ATM: variants seen among roughly 807,000 people sequenced by gnomAD.
ATM encodes the protein ATM serine/threonine kinase, also known as serine-protein kinase ATM.
ATM carries 308 observed loss-of-function variants against 387.0 expected under a neutral mutation model. The ratio of observed to expected loss-of-function variants is 0.80; its 90% CI spans 0.73 to 0.87. ATM has a LOEUF of 0.87. Ranked by LOEUF, ATM falls within the 40% of genes least tolerant of loss-of-function variation. The pLI, the probability that ATM is intolerant of heterozygous loss-of-function variation, is 0.00. For missense variants in ATM, 3,312 were observed against 3,560.9 expected (o/e 0.93, Z 1.78); for synonymous variants, 1,156 against 1,187.3 (o/e 0.97, Z 0.54).
Position 108,332,807 on chromosome 11 carries a change from A to C in ATM, c.7834A>C (p.Arg2612=), listed in dbSNP as rs1305691166. 5.0e-6 allele frequency: 8 copies of C among 1,613,358 alleles called. No individual in the cohort carries two copies. In the South Asian group the frequency reaches 8.8e-5, roughly 18 times the overall value. Residue 2612 remains arginine (R), a synonymous_variant, in exon 53 of 63, where the codon AGG becomes CGG. Transcript: ENST00000675843. The stretch of plus-strand genomic sequence containing the variant: ...TAGAATAATATGTACTATCAGAAGT[A>C]GGAGACCTCAGATGGTCAGAAGTGT... The part of the protein sequence containing the change: ...ANRIICTIRS[R]RPQMVRSVEA...
At chr11:108,364,852 G>A (rs2091165750) in intron 61 of ATM, among the ~76,000 whole-genome samples, 1 of 152,194 alleles carries the variant, frequency 6.6e-6, no homozygotes, top group Non-Finnish European at 1.5e-5. Context: ...TGGGTCAAGG[G>A]ATGTCACCCC....
rs959971210 is a variant in ATM, at chr11:108,338,285, A to G, written c.8268+2324A>G. On this transcript the variant is annotated intron_variant, in intron 56 of 62. Coordinates refer to ENST00000675843, the MANE Select transcript of ATM (RefSeq NM_000051.4). The stretch of plus-strand genomic sequence containing the variant: ...AGAATCACTTAAACCCGGATGGCAG[A>G]GGTTGCAGTTGAGCCGAGATCACAC... Among the ~76,000 whole-genome samples, 12 of 151,456 alleles carry G rather than the reference A, an allele frequency of 7.9e-5. No individual in the cohort carries two copies. In the East Asian group the frequency reaches 2.2e-3, roughly 27 times the overall value.
At position 108,354,892 on chromosome 11, in the gene ATM, G is replaced by A. The variant is rs969877924; in HGVS notation, c.8850+18G>A. 2 of 1,598,266 alleles carry A rather than the reference G, an allele frequency of 1.3e-6. No homozygotes were observed. Among genetic ancestry groups the A allele is most frequent in the Non-Finnish European group, 8.6e-7 (1 of 1,165,792 alleles). On this transcript the variant is annotated intron_variant, in intron 61 of 62. Transcript: ENST00000675843. ...TTGTAGAGGTAAAGTATTTTATAAGGAAGACTTTATTTTTTTTCTTACCAG... is the reference window on the plus strand; with the variant it reads ...TTGTAGAGGTAAAGTATTTTATAAGAAAGACTTTATTTTTTTTCTTACCAG...
intron 27 of ATM, 56 bp from the exon 28 acceptor site, chr11:108,288,921 T>C: frequency 6.2e-7 from 1 of 1,605,014 alleles, no homozygotes. Context: ...AGTTCACTGG[T>C]CTATGAACAA....
intron 7 of ATM, 69 bp from the exon 8 acceptor site, chr11:108,246,895 T>G (rs913994696): frequency 7.6e-7 from 1 of 1,314,756 alleles, no homozygotes; most frequent in African/African-American, 1.5e-5. Flanking sequence ...AGCTGAATAA[T>G]TTTGTGGGAG....
Position 108,343,326 on chromosome 11 carries a change from C to T in ATM, c.8373C>T (p.Tyr2791=), listed in dbSNP as rs1060504292. 1 of 1,613,982 alleles carries T rather than the reference C, an allele frequency of 6.2e-7. No individual in the cohort carries two copies. ...ATGAAGATGGTGCTCATAAAAGATA[C>T]AGGCCAAATGATTTCAGTGCCTTTC... The part of the protein sequence containing the change: ...VNNEDGAHKR[Y]RPNDFSAFQC... The change falls in exon 57 of 63, where the codon TAC becomes TAT. Residue 2791 remains tyrosine (Y), a synonymous_variant. Transcript: ENST00000675843.
Position 108,326,141 on chromosome 11 carries a change from A to G in ATM, c.6891A>G (p.Gln2297=), listed in dbSNP as rs773545588. 2 of 1,614,186 alleles carry G rather than the reference A, an allele frequency of 1.2e-6. No individual in the cohort carries two copies. The highest frequency in any genetic ancestry group is 8.5e-7 in the Non-Finnish European group (1 of 1,180,012). ...GVSEWQLEEA[Q]VFWAKKEQSL... is the part of the protein sequence containing the mutation. ...CTGAGTGGCAGCTGGAAGAAGCACA[A>G]GTATTCTGGGCAAAAAAGGAGCAGA... The change falls in exon 47 of 63, where the codon CAA becomes CAG. Residue 2297 remains glutamine (Q), a synonymous_variant. Transcript: ENST00000675843.
At chr11:108,307,826 C>T (rs1351980785) in intron 37 of ATM, 71 bp from the exon 38 acceptor site, 1 of 1,370,946 alleles carries the variant, frequency 7.3e-7, no homozygotes, top group Admixed American at 1.8e-5. Flanking sequence ...GAGACAGACA[C>T]ATAAACAAGA....
chr11:108,260,030 CTTTTTTTTTTT>C (rs754362678), intron 16 of ATM, among the ~76,000 whole-genome samples: 1 of 94,614 alleles, frequency 1.1e-5, no homozygotes, highest in African/African-American at 3.9e-5. Flanking sequence ...CTTATCTGCT[CTTTTTTTTTTT>C]TTTTTTTTTT....
intron 53 of ATM, 50 bp from the exon 54 acceptor site, chr11:108,333,836 C>A: frequency 7.1e-7 from 1 of 1,411,498 alleles, no homozygotes; most frequent in Non-Finnish European, 1.0e-6. Flanking sequence ...GCTTGACCTT[C>A]AATGCTGTTC....
intron 54 of ATM, among the ~76,000 whole-genome samples, chr11:108,334,284 AGGAAGGTTCCAATT>A (rs1310896470): frequency 2.6e-5 from 4 of 152,202 alleles, no homozygotes; most frequent in African/African-American, 9.7e-5. Flanking sequence ...TGACTTGGCA[AGGAAGGTTCCAATT>A]GTCATATATT....
chr11:108,274,787 A>G (rs2081844343), intron 22 of ATM, among the ~76,000 whole-genome samples: 1 of 152,126 alleles, frequency 6.6e-6, no homozygotes, highest in Non-Finnish European at 1.5e-5. Flanking sequence ...ACTTTCAATT[A>G]TGTGGTCAGT....
chr11:108,232,527 CTTTTTTTTTTTT>C (rs71047685), intron 4 of ATM, among the ~76,000 whole-genome samples: 6 of 58,212 alleles, frequency 1.0e-4, no homozygotes, highest in East Asian at 1.3e-3. Flanking sequence ...GATTTCTCTC[CTTTTTTTTTTTT>C]TTTTTTTTTT....
Position 108,326,100 on chromosome 11 carries a change from G to A in ATM, c.6850G>A (p.Val2284Ile), listed in dbSNP as rs2085651553. 1 of 1,614,094 alleles carries A rather than the reference G, an allele frequency of 6.2e-7. No homozygotes were observed. Among genetic ancestry groups the A allele is most frequent in the Non-Finnish European group, 8.5e-7 (1 of 1,180,012 alleles). ...ATTTCAAATTAAACAGTACAATTCA[G>A]TTAGCTGTGGAGTCTCTGAGTGGCA... The part of the protein sequence containing the change: ...AIFQIKQYNS[V>I]SCGVSEWQLE... The change falls in exon 47 of 63, where the codon GTT becomes ATT. Residue 2284 changes from valine (V) to isoleucine (I), a missense_variant. Physicochemically the swap from Val to Ile is conservative, Grantham distance 29 (BLOSUM62 3). Transcript: ENST00000675843.
At chr11:108,343,454 A>G in intron 57 of ATM, 83 bp downstream of exon 57, 1 of 1,532,490 alleles carries the variant, frequency 6.5e-7, no homozygotes, top group East Asian at 2.3e-5. Flanking sequence ...ATTATAGAAT[A>G]CAAAAAAACT....
intron 22 of ATM, 45 bp downstream of exon 22, chr11:108,272,897 G>T (rs757776179): frequency 6.2e-7 from 1 of 1,611,728 alleles, no homozygotes; most frequent in East Asian, 2.2e-5. Flanking sequence ...GCTGCAGATG[G>T]CAGTAGAATG....
At chr11:108,241,561 T>C (rs2079557227) in intron 5 of ATM, among the ~76,000 whole-genome samples, 1 of 152,134 alleles carries the variant, frequency 6.6e-6, no homozygotes, top group Admixed American at 6.5e-5. Flanking sequence ...TGATACAATC[T>C]TACGGTACCA....
Position 108,247,132 on chromosome 11 carries a change from A to G in ATM, c.1065+5A>G, listed in dbSNP as rs1204741025. On this transcript the variant is annotated splice_donor_5th_base_variant and intron_variant, in intron 8 of 62. Coordinates refer to ENST00000675843, the MANE Select transcript of ATM (RefSeq NM_000051.4). ...ATGGCAGATATCTGTCACCAGGTAC[A>G]GTAAGTAGGTCATGTCACATTTAGA... 2 of 1,613,660 alleles carry G rather than the reference A, an allele frequency of 1.2e-6. No homozygotes were observed. The highest frequency in any genetic ancestry group is 1.3e-5 in the African/African-American group (1 of 75,032).
intron 22 of ATM, among the ~76,000 whole-genome samples, chr11:108,275,548 G>A (rs1426421209): frequency 1.3e-5 from 2 of 152,168 alleles, no homozygotes; most frequent in Non-Finnish European, 2.9e-5. Flanking sequence ...CTCTTGTAAG[G>A]CAGGCCTGGT....
Sources: gnomAD v4.1 joint callset for allele counts (sites outside exome capture counted in the v4.1 genomes callset) on GRCh38, gnomAD v4.1.1 for gene constraint, MANE v1.5 for transcripts, NCBI Gene and HGNC (gene_info 2026-07-23, HGNC 2026-07-21) for gene names.